Variants in TCF12 observed in about 807,000 individuals in gnomAD.
The protein encoded by TCF12 is transcription factor 12, also known as DNA-binding protein HTF4.
A neutral mutation model predicts 86.0 loss-of-function variants in TCF12; 45 were observed. That is an observed-to-expected ratio of 0.52 (90% CI 0.41 to 0.67). The LOEUF (loss-of-function observed/expected upper bound fraction) is 0.67, where lower values mean the gene tolerates loss of function less well. TCF12 is among the 30% of genes least tolerant of loss of function. TCF12 has a pLI of 0.00. For synonymous variants in TCF12, 330 were observed against 299.6 expected (o/e 1.10, Z -1.05); for missense variants, 881 against 859.9 (o/e 1.02, Z -0.31).
chr15:56,930,090 G>T (rs911097885), intron 3 of TCF12, among the ~76,000 whole-genome samples: 29 of 152,190 alleles, frequency 1.9e-4, no homozygotes, highest in African/African-American at 7.0e-4. Flanking sequence ...ACACAGGTTG[G>T]ACTTAATATA....
intron 6 of TCF12, among the ~76,000 whole-genome samples, chr15:57,175,795 A>G (rs2055866951): frequency 6.6e-6 from 1 of 152,240 alleles, no homozygotes; most frequent in South Asian, 2.1e-4. Context: ...AAGTGTTTGA[A>G]GCATAATTCG....
At chr15:57,107,118 A>G (rs1219266710) in intron 5 of TCF12, among the ~76,000 whole-genome samples, 1 of 152,256 alleles carries the variant, frequency 6.6e-6, no homozygotes, top group Non-Finnish European at 1.5e-5. Context: ...TGCACATAGA[A>G]GTTTATAGCA....
At chr15:57,091,311 G>A (rs931758489) in intron 4 of TCF12, among the ~76,000 whole-genome samples, 4 of 152,050 alleles carry the variant, frequency 2.6e-5, no homozygotes, top group Non-Finnish European at 5.9e-5. Flanking sequence ...ATTGCCTAAC[G>A]CTTTATTTTT....
At chr15:57,112,508 G>T (rs937884753) in intron 5 of TCF12, among the ~76,000 whole-genome samples, 3 of 152,164 alleles carry the variant, frequency 2.0e-5, no homozygotes, top group Admixed American at 2.0e-4. Flanking sequence ...AGCTGTGATG[G>T]GGCCACTTAG....
chr15:56,937,664 A>G (rs182160923), intron 3 of TCF12, among the ~76,000 whole-genome samples: 4 of 151,912 alleles, frequency 2.6e-5, no homozygotes, highest in Non-Finnish European at 4.4e-5. Flanking sequence ...CCTGTTCAGT[A>G]TTATGTTGGC....
chr15:57,137,665 G>A (rs982574919), intron 5 of TCF12, among the ~76,000 whole-genome samples: 4 of 152,092 alleles, frequency 2.6e-5, no homozygotes, highest in African/African-American at 4.8e-5. Context: ...GTAATAATTT[G>A]CAAATGTTTT....
intron 8 of TCF12, among the ~76,000 whole-genome samples, chr15:57,218,220 C>G (rs1456984689): frequency 1.3e-5 from 2 of 152,044 alleles, no homozygotes; most frequent in African/African-American, 4.8e-5. Context: ...GTGATGTGCC[C>G]CCTTTTGCAG....
rs1411010855 is a variant in TCF12 at position 57,166,448 on chromosome 15, T to C, written c.372T>C (p.Thr124=). 2 of 1,612,702 alleles carry C rather than the reference T, an allele frequency of 1.2e-6. No homozygotes were observed. Among genetic ancestry groups the C allele is most frequent in the Admixed American group, 3.3e-5 (2 of 59,898 alleles). Residue 124 remains threonine, a synonymous_variant, in exon 6 of 21, where the codon ACT becomes ACC. Transcript: ENST00000333725. ...CATTTTCCCTGTACAGCAGAGATACTGGATTACCAGGCTGTCAAGTAAGTT... is the reference window on the plus strand; with the variant it reads ...CATTTTCCCTGTACAGCAGAGATACCGGATTACCAGGCTGTCAAGTAAGTT... ...RGSFSLYSRD[T]GLPGCQSSLL...
intron 8 of TCF12, among the ~76,000 whole-genome samples, chr15:57,228,118 T>G (rs1271685994): frequency 1.3e-5 from 2 of 151,938 alleles, no homozygotes; most frequent in Non-Finnish European, 2.9e-5. Flanking sequence ...GCTCTTTTTG[T>G]GGAATTGGCT....
At chr15:57,118,266 G>C (rs937943508) in intron 5 of TCF12, 1 of 152,118 alleles carries the variant, frequency 6.6e-6, no homozygotes, top group African/African-American at 2.4e-5. Context: ...GCAAATTGAA[G>C]GGCAGTGATT....
chr15:56,938,674 T>TA (rs1334574031), intron 3 of TCF12, among the ~76,000 whole-genome samples: 1 of 151,812 alleles, frequency 6.6e-6, no homozygotes, highest in Non-Finnish European at 1.5e-5. Context: ...GTAATTTTTT[T>TA]ATTACCATTT....
At chr15:57,078,575 A>G (rs1259431341) in intron 4 of TCF12, among the ~76,000 whole-genome samples, 4 of 152,202 alleles carry the variant, frequency 2.6e-5, no homozygotes, top group African/African-American at 9.6e-5. Flanking sequence ...TATTATAGGC[A>G]GTACTACACA....
chr15:57,108,198 G>T (rs1308331363), intron 5 of TCF12, among the ~76,000 whole-genome samples: 1 of 152,130 alleles, frequency 6.6e-6, no homozygotes, highest in Non-Finnish European at 1.5e-5. Flanking sequence ...AAACATCTTA[G>T]TAAGAAGACA....
chr15:57,122,941 A>T (rs1411427385), intron 5 of TCF12, among the ~76,000 whole-genome samples: 1 of 152,240 alleles, frequency 6.6e-6, no homozygotes, highest in Admixed American at 6.5e-5. Context: ...ACTAAAAAAC[A>T]GCTTTTTAAA....
In TCF12 at chr15:57,199,954, A is replaced by G. The variant is rs114923253; in HGVS notation, c.579+2129A>G. On this transcript the variant is annotated intron_variant, in intron 8 of 20. Transcript: ENST00000333725. The stretch of plus-strand genomic sequence containing the variant: ...TGGAGTGCAGTGACACAGTCACTGC[A>G]AACTACAGCCTTAACCTCCTTGGCT... Among the ~76,000 whole-genome samples the G allele has an allele frequency of 7.9e-3, 1,199 of 152,038 alleles. 17 individuals are homozygous for G. The highest frequency in any genetic ancestry group is 0.027 in the African/African-American group (1,141 of 41,500).
chr15:57,274,034 T>G (rs1285255115), intron 19 of TCF12, among the ~76,000 whole-genome samples: 2 of 152,182 alleles, frequency 1.3e-5, no homozygotes, highest in Non-Finnish European at 2.9e-5. Context: ...CCATCAAGCT[T>G]GAGTTTCTCC....
chr15:57,180,712 T>C (rs923802998), intron 6 of TCF12, among the ~76,000 whole-genome samples: 1 of 151,896 alleles, frequency 6.6e-6, no homozygotes, highest in African/African-American at 2.4e-5. Flanking sequence ...TTTGGAGATA[T>C]GTGACTATAA....
rs540173710 is a variant in TCF12 at position 56,951,139 on chromosome 15, G to A, written c.148+30041G>A. On this transcript the variant is annotated intron_variant, in intron 3 of 20. Coordinates refer to ENST00000333725, the MANE Select transcript of TCF12 (RefSeq NM_207037.2). ...CAACTCACTAAGAAACTGCCAAAGC[G>A]GTTGTATCATTTTACATTCCCACTT... Among the ~76,000 whole-genome samples the A allele has an allele frequency of 7.9e-5, 12 of 151,988 alleles. 1 individual carries two copies. Among genetic ancestry groups the A allele is most frequent in the Non-Finnish European group, 8.8e-5 (6 of 67,976 alleles).
At chr15:57,161,781 C>A (rs1306021098) in intron 5 of TCF12, among the ~76,000 whole-genome samples, 4 of 152,100 alleles carry the variant, frequency 2.6e-5, no homozygotes, top group Non-Finnish European at 2.9e-5. Context: ...CACAGTAGAA[C>A]AATAGATATT....
Sources: allele counts gnomAD v4.1 joint callset (sites outside exome capture counted in the v4.1 genomes callset), GRCh38; gene constraint gnomAD v4.1.1; transcripts MANE v1.5; gene names NCBI Gene and HGNC (gene_info 2026-07-23, HGNC 2026-07-21).